SHROOM4: variants seen among roughly 807,000 people sequenced by gnomAD.
SHROOM4 encodes shroom family member 4.
In SHROOM4, 17 loss-of-function variants were observed where a neutral mutation model predicts 80.3. The observed-to-expected ratio is 0.21, with a 90% CI of 0.14 to 0.32. SHROOM4 has a LOEUF of 0.32. Ranked by LOEUF, SHROOM4 falls within the 10% of genes least tolerant of loss-of-function variation. The pLI is 1.00. For synonymous variants in SHROOM4, 400 were observed against 437.5 expected (o/e 0.91, Z 1.07); for missense variants, 993 against 1,140.3 (o/e 0.87, Z 1.86).
chrX:50,765,595 A>G (rs1569548735), intron 1 of SHROOM4, among the ~76,000 whole-genome samples: 2 of 112,097 alleles, frequency 1.8e-5, no homozygotes, highest in East Asian at 5.6e-4. Context: ...AAGACATCAC[A>G]AACTTTGCCA....
At chrX:50,626,974 A>C (rs1356408819) in intron 5 of SHROOM4, among the ~76,000 whole-genome samples, 1 of 111,396 alleles carries the variant, frequency 9.0e-6, no homozygotes, top group Non-Finnish European at 1.9e-5. Context: ...CATTTCAGAG[A>C]AACACTGTAA....
intron 2 of SHROOM4, among the ~76,000 whole-genome samples, chrX:50,665,674 A>G (rs1373657344): frequency 2.7e-5 from 3 of 110,395 alleles, no homozygotes; most frequent in Non-Finnish European, 3.8e-5. Flanking sequence ...TTCGTACCTC[A>G]GTCTCCTTAT....
intron 1 of SHROOM4, among the ~76,000 whole-genome samples, chrX:50,727,107 C>G (rs1468446134): frequency 1.8e-5 from 2 of 113,011 alleles, no homozygotes; most frequent in African/African-American, 3.2e-5. Flanking sequence ...TGTTTTGGAG[C>G]TTTAAGATTT....
At chrX:50,610,706 G>T (rs1354589735) in intron 5 of SHROOM4, among the ~76,000 whole-genome samples, 1 of 110,911 alleles carries the variant, frequency 9.0e-6, no homozygotes, top group Non-Finnish European at 1.9e-5. Flanking sequence ...CAAAATTAAA[G>T]AAAAAATAAA....
chrX:50,696,027 G>T (rs1933359924), intron 1 of SHROOM4, 90 bp from the exon 2 acceptor site: 16 of 1,037,891 alleles, frequency 1.5e-5, no homozygotes, highest in Non-Finnish European at 2.0e-5. Context: ...GGAGCCACAA[G>T]TAGTACTGGG....
At position 50,650,600 on chromosome X, in the gene SHROOM4, C is replaced by T. The variant is rs782417445; in HGVS notation, c.270-12292G>A. Among the ~76,000 whole-genome samples, 519 of 110,466 alleles carry T rather than the reference C, an allele frequency of 4.7e-3. 3 individuals carry two copies. The highest frequency in any genetic ancestry group is 0.016 in the African/African-American group (480 of 30,307). ...GTCTCCATCTCCTGACCTCGTGATC[C>T]GCCCACCTCGATCTCCCAAAGTGCT... is the stretch of plus-strand genomic sequence containing the variant. On this transcript the variant is annotated intron_variant, in intron 2 of 8. Transcript: ENST00000376020.
intron 1 of SHROOM4, among the ~76,000 whole-genome samples, chrX:50,761,858 G>A (rs1191524371): frequency 8.9e-6 from 1 of 111,749 alleles, no homozygotes; most frequent in Non-Finnish European, 1.9e-5. Flanking sequence ...ACTGCGCCTG[G>A]CCCACATGTA....
At chrX:50,612,196 A>C (rs912922512) in intron 5 of SHROOM4, among the ~76,000 whole-genome samples, 2 of 110,518 alleles carry the variant, frequency 1.8e-5, no homozygotes, top group African/African-American at 3.3e-5. Context: ...TAAAAAAAAA[A>C]CACCCAAATG....
chrX:50,673,814 T>C (rs192793955), intron 2 of SHROOM4, among the ~76,000 whole-genome samples: 17 of 109,757 alleles, frequency 1.5e-4, no homozygotes, highest in African/African-American at 5.6e-4. Flanking sequence ...AATAAAACTG[T>C]CGCTTTTTGG....
intron 1 of SHROOM4, among the ~76,000 whole-genome samples, chrX:50,766,054 CT>C (rs1178944849): frequency 1.8e-5 from 2 of 111,314 alleles, no homozygotes; most frequent in African/African-American, 6.5e-5. Context: ...ATCTCTGCCC[CT>C]AGGACCCACC....
At chrX:50,785,276 C>T (rs1196334320) in intron 1 of SHROOM4, among the ~76,000 whole-genome samples, 2 of 111,316 alleles carry the variant, frequency 1.8e-5, no homozygotes, top group African/African-American at 6.5e-5. Flanking sequence ...CCATGATGAG[C>T]CATTCTATTC....
At chrX:50,639,906 C>A (rs782544636) in intron 2 of SHROOM4, among the ~76,000 whole-genome samples, 31 of 112,145 alleles carry the variant, frequency 2.8e-4, no homozygotes, top group African/African-American at 9.4e-4. Flanking sequence ...GGAAGTATAG[C>A]CACAGGTCAG....
intron 2 of SHROOM4, among the ~76,000 whole-genome samples, chrX:50,690,665 T>C (rs1394303208): frequency 8.9e-6 from 1 of 112,905 alleles, no homozygotes; most frequent in African/African-American, 3.2e-5. Context: ...ATCAGATATT[T>C]CTACTCTTAA....
intron 2 of SHROOM4, among the ~76,000 whole-genome samples, chrX:50,660,757 A>C (rs1557259898): frequency 9.3e-6 from 1 of 107,406 alleles, no homozygotes; most frequent in Non-Finnish European, 1.9e-5. Flanking sequence ...CTGGGACTAC[A>C]GGGCGTGCAC....
rs1235554992 is a variant in SHROOM4 at position 50,589,722 on chromosome X, A to G, written c.*6973T>C. 8.9e-6 allele frequency among the ~76,000 whole-genome samples: 1 copy of G among 112,182 alleles called. No homozygotes were observed. Among genetic ancestry groups the G allele is most frequent in the African/African-American group, 3.2e-5 (1 of 30,867 alleles). The stretch of plus-strand genomic sequence containing the variant: ...TTTCCACTTTTTGGCTATTATGAGT[A>G]ATGCCACTTTAAACATTCATGTTCA... On this transcript the variant is annotated 3_prime_UTR_variant, in exon 9 of 9. Transcript: ENST00000376020.
rs1934817394 is a variant in SHROOM4, at chrX:50,748,115, T to C, written c.118-52178A>G. Among the ~76,000 whole-genome samples the C allele has an allele frequency of 5.4e-5, 6 of 111,612 alleles. No homozygotes were observed. The South Asian group carries it at 2.3e-3, about 42-fold the overall frequency. ...AGGATAGAGTAGGTCCCATATATGA[T>C]AGTATCCTGAAAGATCGAGGCTGGC... On this transcript the variant is annotated intron_variant, in intron 1 of 8. Transcript: ENST00000376020.
chrX:50,795,977 A>G (rs906519081), intron 1 of SHROOM4, among the ~76,000 whole-genome samples: 1 of 112,375 alleles, frequency 8.9e-6, no homozygotes, highest in African/African-American at 3.2e-5. Context: ...GGAAGTATCC[A>G]TGATTTCAGC....
chrX:50,650,485 G>GGAC (rs1404950304), intron 2 of SHROOM4, among the ~76,000 whole-genome samples: 1 of 110,730 alleles, frequency 9.0e-6, no homozygotes, highest in African/African-American at 3.3e-5. Flanking sequence ...CGAGTAGCCG[G>GGAC]GACTGCAGGC....
At chrX:50,576,202 A>C in the SHROOM4 span, among the ~76,000 whole-genome samples, 1 of 112,092 alleles carries the variant, frequency 8.9e-6, no homozygotes, top group Non-Finnish European at 1.9e-5. Context: ...ACTTATCATT[A>C]CTGGAGCTCC....
Sources: gnomAD v4.1 joint callset for allele counts (sites outside exome capture counted in the v4.1 genomes callset) on GRCh38, gnomAD v4.1.1 for gene constraint, MANE v1.5 for transcripts, NCBI Gene and HGNC (gene_info 2026-07-23, HGNC 2026-07-21) for gene names.